RNF212: variants seen among roughly 807,000 people sequenced by gnomAD.
RNF212 encodes probable E3 SUMO-protein ligase RNF212.
Under a neutral mutation model 34.7 loss-of-function variants are expected in RNF212, and 33 were observed. The observed-to-expected ratio is 0.95, with a 90% CI of 0.72 to 1.27. The LOEUF (loss-of-function observed/expected upper bound fraction) is 1.27, where lower values mean the gene tolerates loss of function less well. Among genes scored for constraint, RNF212 ranks in the 50% most tolerant of loss-of-function variants. The pLI is 0.00. For synonymous variants in RNF212, 140 were observed against 136.1 expected, an observed-to-expected ratio of 1.03 and a Z score of -0.20; for missense variants, 377 against 362.2, an observed-to-expected ratio of 1.04 and a Z score of -0.33.
intron 2 of RNF212, among the ~76,000 whole-genome samples, chr4:1,098,015 A>G (rs1723329549): frequency 6.6e-6 from 1 of 152,198 alleles, no homozygotes; most frequent in Admixed American, 6.5e-5. Flanking sequence ...CAGTGAGCCG[A>G]GATCATGCCA....
At chr4:1,061,587 A>T (rs1717753265) in intron 3 of RNF212, among the ~76,000 whole-genome samples, 1 of 152,176 alleles carries the variant, frequency 6.6e-6, no homozygotes, top group Non-Finnish European at 1.5e-5. Context: ...ACATGCACAG[A>T]TCATTGGCCA....
intron 2 of RNF212, among the ~76,000 whole-genome samples, chr4:1,106,277 C>CAA (rs1724822586): frequency 6.8e-6 from 1 of 147,462 alleles, no homozygotes; most frequent in Admixed American, 6.7e-5. Flanking sequence ...CACACACACA[C>CAA]ACACACACAC....
intron 3 of RNF212, among the ~76,000 whole-genome samples, chr4:1,065,915 C>T (rs532533474): frequency 4.5e-4 from 66 of 146,186 alleles, no homozygotes; most frequent in African/African-American, 1.4e-3. Context: ...CTTACTCTGT[C>T]GTCCAGGCTG....
chr4:1,074,371 G>A (rs1469189897), intron 8 of RNF212, among the ~76,000 whole-genome samples: 1 of 152,096 alleles, frequency 6.6e-6, no homozygotes, highest in Non-Finnish European at 1.5e-5. Context: ...GCCTCACCCC[G>A]CTGGTCCTCA....
At chr4:1,096,894 C>A in intron 2 of RNF212, 55 bp from the exon 3 acceptor site, 1 of 1,348,204 alleles carries the variant, frequency 7.4e-7, no homozygotes, top group Non-Finnish European at 1.1e-6. Flanking sequence ...CGCTTCTGGC[C>A]CCCAGTTAAA....
chr4:1,086,144 C>A (rs1391469915), intron 4 of RNF212, among the ~76,000 whole-genome samples, 190 bp from the exon 5 acceptor site: 2 of 152,220 alleles, frequency 1.3e-5, no homozygotes, highest in Non-Finnish European at 2.9e-5. Flanking sequence ...GGGGGCCATG[C>A]AGAGCGAAGT....
chr4:1,076,882 GAC>G (rs1172879710), intron 8 of RNF212, among the ~76,000 whole-genome samples: 1 of 152,202 alleles, frequency 6.6e-6, no homozygotes, highest in Non-Finnish European at 1.5e-5. Flanking sequence ...GCAATTCCAT[GAC>G]AGAGTTGAGT....
Position 1,108,405 on chromosome 4 carries a change from C to A in RNF212, c.110-1G>T. ...CAAATCAAGCATTCATTCTTTTTAC[C>A]TATAAAATAAAAATAGGCTTTATTA... On this transcript the variant is annotated splice_acceptor_variant, in intron 1 of 9. Coordinates refer to ENST00000433731, the MANE Select transcript of RNF212 (RefSeq NM_001131034.4). LOFTEE classifies it high-confidence loss of function. The A allele has an allele frequency of 6.8e-7, 1 of 1,479,068 alleles. No individual in the cohort carries two copies. Among genetic ancestry groups the A allele is most frequent in the South Asian group, 1.4e-5 (1 of 70,514 alleles). The allele number at this position is 1,479,068 out of a possible 1,614,324, so 91.6% of individuals were successfully genotyped here. A position where few individuals can be genotyped will look rare whatever the true frequency, so the allele number is the denominator to read the frequency against.
chr4:1,085,704 CT>C, intron 5 of RNF212, 191 bp downstream of exon 5: 2 of 597,156 alleles, frequency 3.3e-6, no homozygotes, highest in Admixed American at 3.0e-5. Flanking sequence ...TTCACTTTTT[CT>C]TTTTTGTCTC....
intron 3 of RNF212, among the ~76,000 whole-genome samples, chr4:1,059,055 C>T (rs1191824858): frequency 6.6e-6 from 1 of 152,232 alleles, no homozygotes; most frequent in East Asian, 1.9e-4. Flanking sequence ...GCTCCTGGAC[C>T]CCAGGATGGG....
intron 1 of RNF212, 46 bp downstream of exon 1, chr4:1,113,310 T>A: frequency 4.7e-6 from 2 of 429,814 alleles, no homozygotes; most frequent in Non-Finnish European, 6.1e-6. Context: ...CCTGACCCCC[T>A]TGCCGCTCCC....
At chr4:1,094,913 T>C (rs1404512372) in intron 3 of RNF212, among the ~76,000 whole-genome samples, 1 of 152,196 alleles carries the variant, frequency 6.6e-6, no homozygotes, top group African/African-American at 2.4e-5. Flanking sequence ...CAAATGAACA[T>C]TGTCAAAATC....
chr4:1,083,570 G>A (rs1341336401), intron 5 of RNF212, among the ~76,000 whole-genome samples: 3 of 152,144 alleles, frequency 2.0e-5, no homozygotes, highest in African/African-American at 4.8e-5. Context: ...CCCGGCAGGC[G>A]GAGGTTGAGG....
intron 2 of RNF212, chr4:1,100,073 G>T (rs1723721930): frequency 2.8e-6 from 1 of 353,766 alleles, no homozygotes; most frequent in Admixed American, 3.8e-5. Context: ...TACTGTCCTT[G>T]GGGCGCCAGG....
intron 1 of RNF212, among the ~76,000 whole-genome samples, chr4:1,110,342 A>G (rs1402753396): frequency 6.6e-6 from 1 of 152,146 alleles, no homozygotes; most frequent in African/African-American, 2.4e-5. Context: ...GGAGAAAACA[A>G]CAGGTGCTCA....
chr4:1,097,925 C>A (rs995817809), intron 2 of RNF212, among the ~76,000 whole-genome samples: 2 of 152,032 alleles, frequency 1.3e-5, no homozygotes, highest in Non-Finnish European at 2.9e-5. Context: ...GTTACCTGGG[C>A]GTGATGGCAG....
chr4:1,074,601 A>C, intron 8 of RNF212, among the ~76,000 whole-genome samples: 1 of 149,914 alleles, frequency 6.7e-6, no homozygotes, highest in Non-Finnish European at 1.5e-5. Context: ...CCAGTCCTCC[A>C]CTCCTACTCA....
At chr4:1,100,167 C>A in intron 2 of RNF212, 1 of 325,476 alleles carries the variant, frequency 3.1e-6, no homozygotes, top group Non-Finnish European at 6.0e-6. Flanking sequence ...GGACTTTGCA[C>A]GGTTTCAGAA....
intron 3 of RNF212, chr4:1,093,473 G>T (rs775395271): frequency 2.1e-6 from 3 of 1,450,588 alleles, no homozygotes; most frequent in Non-Finnish European, 2.7e-6. Flanking sequence ...CCCTGCGTTT[G>T]TGATGCTCAC....
Sources: allele counts gnomAD v4.1 joint callset (sites outside exome capture counted in the v4.1 genomes callset), GRCh38; gene constraint gnomAD v4.1.1; transcripts MANE v1.5; gene names NCBI Gene and HGNC (gene_info 2026-07-23, HGNC 2026-07-21).